EIF4EBP1: variants seen among roughly 807,000 people sequenced by gnomAD.
The protein encoded by EIF4EBP1 is eukaryotic translation initiation factor 4E-binding protein 1.
A neutral mutation model predicts 9.2 loss-of-function variants in EIF4EBP1; 5 were observed. The observed-to-expected ratio is 0.54, with a 90% confidence interval of 0.28 to 1.14. The LOEUF is 1.14. Ranked by LOEUF, EIF4EBP1 falls within the 50% of genes most tolerant of loss-of-function variation. The pLI, the probability that EIF4EBP1 is intolerant of heterozygous loss-of-function variation, is 0.09. For missense variants in EIF4EBP1, 139 were observed against 169.6 expected (o/e 0.82, Z 1.00); for synonymous variants, 62 against 67.0 (o/e 0.93, Z 0.36).
At position 38,059,983 on chromosome 8, in the gene EIF4EBP1, T is replaced by C. The variant is rs1809651104; in HGVS notation, c.*48T>C. The C allele has an allele frequency of 6.3e-7, 1 of 1,579,600 alleles. No individual in the cohort carries two copies. Among genetic ancestry groups the C allele is most frequent in the Non-Finnish European group, 8.7e-7 (1 of 1,148,722 alleles). Reference sequence around the variant, plus strand: ...ACTACCAAGGGGCCCCTCAGGGCCTTCCTGGGAGGAGTCCCACCAGCCAGG... The same window carrying C: ...ACTACCAAGGGGCCCCTCAGGGCCTCCCTGGGAGGAGTCCCACCAGCCAGG... On this transcript the variant is annotated 3_prime_UTR_variant, in exon 3 of 3. Coordinates refer to ENST00000338825, the MANE Select transcript of EIF4EBP1 (RefSeq NM_004095.4).
At chr8:38,035,139 G>A (rs1809281189) in intron 1 of EIF4EBP1, among the ~76,000 whole-genome samples, 3 of 152,164 alleles carry the variant, frequency 2.0e-5, no homozygotes, top group Admixed American at 2.0e-4. Context: ...ATTCCACACT[G>A]TGTCCCTTAT....
intron 1 of EIF4EBP1, among the ~76,000 whole-genome samples, chr8:38,046,940 C>G (rs1395081817): frequency 6.6e-6 from 1 of 152,214 alleles, no homozygotes; most frequent in East Asian, 1.9e-4. Flanking sequence ...GGGTGCTCCT[C>G]TCTTCTTCCC....
chr8:38,052,717 CAAA>C lies in EIF4EBP1; in HGVS notation c.146-4350_146-4348del, dbSNP rs746753182. On this transcript the variant is annotated intron_variant, in intron 1 of 2. Coordinates refer to ENST00000338825, the MANE Select transcript of EIF4EBP1 (RefSeq NM_004095.4). ...TGGGCAACAGAATGAGACTCCATCT[CAAA>C]AAAAAAAAAAAAATTGTAGATAAGG... Among the ~76,000 whole-genome samples the C allele has an allele frequency of 1.9e-3, 233 of 120,904 alleles. 1 individual carries two copies. The highest frequency in any genetic ancestry group is 9.0e-3 in the Middle Eastern group (2 of 222). 79.3% of individuals were successfully genotyped at this position (120,904 alleles called of 152,430 possible). A position where few individuals can be genotyped will look rare whatever the true frequency, so the allele number is the denominator to read the frequency against.
At chr8:38,030,884 C>T (rs1279618524) in intron 1 of EIF4EBP1, among the ~76,000 whole-genome samples, 166 bp downstream of exon 1, 1 of 152,212 alleles carries the variant, frequency 6.6e-6, no homozygotes, top group African/African-American at 2.4e-5. Flanking sequence ...GCCCGCTTCC[C>T]CTCTGAGTGC....
intron 1 of EIF4EBP1, among the ~76,000 whole-genome samples, chr8:38,039,297 T>C (rs945884222): frequency 4.6e-5 from 7 of 152,272 alleles, no homozygotes; most frequent in Non-Finnish European, 1.0e-4. Flanking sequence ...GTGTGCTGTG[T>C]TGCCAGGTGG....
intron 1 of EIF4EBP1, among the ~76,000 whole-genome samples, chr8:38,040,752 C>T (rs771124974): frequency 6.6e-6 from 1 of 152,174 alleles, no homozygotes; most frequent in Non-Finnish European, 1.5e-5. Context: ...TGGTAGTTTC[C>T]AAGGCCACTT....
At chr8:38,051,115 T>C (rs1042829629) in intron 1 of EIF4EBP1, among the ~76,000 whole-genome samples, 1 of 152,100 alleles carries the variant, frequency 6.6e-6, no homozygotes, top group South Asian at 2.1e-4. Context: ...GGGGTTTCCA[T>C]TTTCCATACA....
intron 1 of EIF4EBP1, among the ~76,000 whole-genome samples, chr8:38,046,338 AT>A (rs1397286130): frequency 1.3e-5 from 2 of 152,314 alleles, no homozygotes; most frequent in South Asian, 2.1e-4. Context: ...TGAAAAAAAA[AT>A]ATCATTCCTA....
chr8:38,053,099 A>G (rs956712414), intron 1 of EIF4EBP1, among the ~76,000 whole-genome samples: 2 of 151,544 alleles, frequency 1.3e-5, no homozygotes, highest in African/African-American at 4.9e-5. Context: ...GCTCACTGCA[A>G]CCTCCGCCTC....
intron 1 of EIF4EBP1, among the ~76,000 whole-genome samples, chr8:38,035,639 G>A (rs2130379602): frequency 6.6e-6 from 1 of 151,682 alleles, no homozygotes; most frequent in African/African-American, 2.4e-5. Context: ...GGCTGAGACA[G>A]GAGAATCCCG....
chr8:38,034,801 T>C (rs113237053), intron 1 of EIF4EBP1, among the ~76,000 whole-genome samples: 3,583 of 152,298 alleles, frequency 0.024, 145 homozygotes, highest in African/African-American at 0.08. Flanking sequence ...AAGAAGGGGA[T>C]GTAGGCTGGG....
Position 38,044,198 on chromosome 8 carries a change from A to G in EIF4EBP1, c.146-12883A>G, listed in dbSNP as rs1731009977. Among the ~76,000 whole-genome samples, 3 of 151,222 alleles carry G rather than the reference A, an allele frequency of 2.0e-5. No homozygotes were observed. The Admixed American group carries it at 2.0e-4, about 10-fold the overall frequency. On this transcript the variant is annotated intron_variant, in intron 1 of 2. Transcript: ENST00000338825. ...CATCCTCGTACTCTCACTAAGCCTC[A>G]CGTCCCCACATCCAATGGAAGAATG... is the stretch of plus-strand genomic sequence containing the variant.
Position 38,037,411 on chromosome 8 carries a change from G to T in EIF4EBP1, c.145+6693G>T, listed in dbSNP as rs543625509. 2.3e-4 allele frequency among the ~76,000 whole-genome samples: 35 copies of T among 152,208 alleles called. No homozygotes were observed. The South Asian group carries it at 2.7e-3, about 12-fold the overall frequency. On this transcript the variant is annotated intron_variant, in intron 1 of 2. Transcript: ENST00000338825. Reference sequence around the variant, plus strand: ...AGCTCACTGCAACCTCCACCTCCCTGGTTCAAGTGACTCTCCTGCCTCGCC... The same window carrying T: ...AGCTCACTGCAACCTCCACCTCCCTTGTTCAAGTGACTCTCCTGCCTCGCC...
intron 1 of EIF4EBP1, among the ~76,000 whole-genome samples, chr8:38,047,809 G>GT (rs996729561): frequency 6.6e-5 from 10 of 151,904 alleles, no homozygotes; most frequent in African/African-American, 2.2e-4. Flanking sequence ...GATAAATGAG[G>GT]TTTTTTTTAT....
chr8:38,055,040 T>C (rs1217684758), intron 1 of EIF4EBP1, among the ~76,000 whole-genome samples: 1 of 152,182 alleles, frequency 6.6e-6, no homozygotes, highest in Non-Finnish European at 1.5e-5. Context: ...TCAGCTTCAG[T>C]ATCACTGCCT....
At chr8:38,058,208 G>A (rs1279489693) in intron 2 of EIF4EBP1, among the ~76,000 whole-genome samples, 1 of 152,138 alleles carries the variant, frequency 6.6e-6, no homozygotes, top group Non-Finnish European at 1.5e-5. Flanking sequence ...GGTAATTTAT[G>A]AAGAAAAATG....
Position 38,059,975 on chromosome 8 carries a change from C to T in EIF4EBP1, c.*40C>T. On this transcript the variant is annotated 3_prime_UTR_variant, in exon 3 of 3. Coordinates refer to ENST00000338825, the MANE Select transcript of EIF4EBP1 (RefSeq NM_004095.4). The stretch of plus-strand genomic sequence containing the variant: ...TGTGGAGCACTACCAAGGGGCCCCT[C>T]AGGGCCTTCCTGGGAGGAGTCCCAC... 1.2e-6 allele frequency: 2 copies of T among 1,601,732 alleles called. No homozygotes were observed. Among genetic ancestry groups the T allele is most frequent in the Non-Finnish European group, 1.7e-6 (2 of 1,168,752 alleles).
chr8:38,048,749 A>T (rs1478905546), intron 1 of EIF4EBP1, among the ~76,000 whole-genome samples: 1 of 152,010 alleles, frequency 6.6e-6, no homozygotes, highest in Non-Finnish European at 1.5e-5. Flanking sequence ...CTGAGGCAGG[A>T]GGATCATTTG....
chr8:38,057,288 A>G (rs1809612205), intron 2 of EIF4EBP1, 28 bp downstream of exon 2: 3 of 1,571,018 alleles, frequency 1.9e-6, no homozygotes, highest in South Asian at 2.4e-5. Context: ...GCCAGGCTCT[A>G]CCTTGGGAAA....
Sources: allele counts gnomAD v4.1 joint callset (sites outside exome capture counted in the v4.1 genomes callset), GRCh38; gene constraint gnomAD v4.1.1; transcripts MANE v1.5; gene names NCBI Gene and HGNC (gene_info 2026-07-23, HGNC 2026-07-21).